The following PHACTR1 variants were observed in gnomAD, a reference collection of about 807,000 sequenced individuals.
PHACTR1 encodes the protein phosphatase and actin regulator 1.
In PHACTR1, 16 loss-of-function variants were observed where a neutral mutation model predicts 69.2. The observed-to-expected ratio is 0.23, with a 90% CI of 0.16 to 0.35. PHACTR1 has a LOEUF of 0.35. PHACTR1 is among the 10% of genes least tolerant of loss of function. PHACTR1 has a pLI of 1.00. For synonymous variants in PHACTR1, 312 were observed against 284.5 expected, an observed-to-expected ratio of 1.10 and a Z score of -0.97; for missense variants, 510 against 734.7, an observed-to-expected ratio of 0.69 and a Z score of 3.54.
At chr6:12,855,319 G>A (rs997924441) in intron 4 of PHACTR1, among the ~76,000 whole-genome samples, 3 of 152,160 alleles carry the variant, frequency 2.0e-5, no homozygotes, top group Non-Finnish European at 1.5e-5. Flanking sequence ...GGATGTGGTG[G>A]TGCATGTCTG....
At chr6:13,136,581 C>T (rs78045827) in intron 5 of PHACTR1, among the ~76,000 whole-genome samples, 4,518 of 152,328 alleles carry the variant, frequency 0.03, 211 homozygotes, top group African/African-American at 0.1. Context: ...AGCCAACTGG[C>T]GAAAGAAGCC....
intron 10 of PHACTR1, among the ~76,000 whole-genome samples, chr6:13,231,341 AGG>A (rs370730791): frequency 5.1e-4 from 1 of 1,962 alleles, no homozygotes; most frequent in Non-Finnish European, 1.1e-3. Flanking sequence ...GAAGGAAGGA[AGG>A]GGAAAGAAAG....
chr6:13,079,286 T>G (rs1811016678), intron 5 of PHACTR1, among the ~76,000 whole-genome samples: 4 of 152,112 alleles, frequency 2.6e-5, no homozygotes, highest in Admixed American at 2.0e-4. Flanking sequence ...CATGAGTGAA[T>G]CACAAGGAGC....
intron 5 of PHACTR1, among the ~76,000 whole-genome samples, chr6:13,102,893 G>T (rs980903766): frequency 6.6e-6 from 1 of 152,150 alleles, no homozygotes; most frequent in Non-Finnish European, 1.5e-5. Flanking sequence ...GACCCCCATT[G>T]CTTCCTTTAT....
chr6:12,967,210 A>G (rs1305287038), intron 4 of PHACTR1, among the ~76,000 whole-genome samples: 1 of 152,250 alleles, frequency 6.6e-6, no homozygotes, highest in African/African-American at 2.4e-5. Flanking sequence ...TGGACAATAC[A>G]TAAAACTCTT....
At chr6:12,990,305 G>A (rs1796673449) in intron 4 of PHACTR1, among the ~76,000 whole-genome samples, 1 of 152,020 alleles carries the variant, frequency 6.6e-6, no homozygotes, top group Non-Finnish European at 1.5e-5. Context: ...TTGATCAGAT[G>A]TCCCAAGGAG....
intron 4 of PHACTR1, among the ~76,000 whole-genome samples, chr6:12,936,256 A>G (rs1789434868): frequency 6.6e-6 from 1 of 152,148 alleles, no homozygotes; most frequent in South Asian, 2.1e-4. Context: ...AGAATCAAAC[A>G]TGGATCTGGA....
chr6:12,754,310 A>G (rs148435959), intron 4 of PHACTR1, among the ~76,000 whole-genome samples: 61 of 151,868 alleles, frequency 4.0e-4, no homozygotes, highest in Middle Eastern at 6.8e-3. Context: ...CTGATCTGAG[A>G]TTGCTTCACC....
chr6:13,247,149 T>C lies in PHACTR1; in HGVS notation c.1391+16956T>C, dbSNP rs1773677379. The stretch of plus-strand genomic sequence containing the variant: ...TCATTAAAACAACAGTTATTCAAAA[T>C]GGGCAGCCTCTTTAGTGTCTTTGAA... On this transcript the variant is annotated intron_variant, in intron 10 of 14. Coordinates refer to ENST00000332995, the MANE Select transcript of PHACTR1 (RefSeq NM_030948.6). 2.0e-5 allele frequency among the ~76,000 whole-genome samples: 3 copies of C among 152,182 alleles called. No individual in the cohort carries two copies. In the South Asian group the frequency reaches 6.2e-4, roughly 32 times the overall value.
At chr6:13,114,156 T>C (rs1165343513) in intron 5 of PHACTR1, among the ~76,000 whole-genome samples, 3 of 152,346 alleles carry the variant, frequency 2.0e-5, no homozygotes, top group African/African-American at 7.2e-5. Flanking sequence ...CTCGCTCTGA[T>C]GGCTTTACTT....
chr6:13,058,803 C>T (rs9473354), intron 5 of PHACTR1, among the ~76,000 whole-genome samples: 1 of 151,794 alleles, frequency 6.6e-6, no homozygotes, highest in Non-Finnish European at 1.5e-5. Flanking sequence ...AGAGGTGAGC[C>T]GTCTAGGAGA....
intron 4 of PHACTR1, among the ~76,000 whole-genome samples, chr6:12,777,221 T>TTATATA (rs777055650): frequency 1.4e-5 from 2 of 143,784 alleles, no homozygotes; most frequent in Admixed American, 7.0e-5. Flanking sequence ...GACTACGGTT[T>TTATATA]TATATATATA....
At chr6:12,913,239 G>T (rs747533218) in intron 4 of PHACTR1, among the ~76,000 whole-genome samples, 11 of 152,198 alleles carry the variant, frequency 7.2e-5, no homozygotes, top group Non-Finnish European at 1.5e-4. Context: ...GTCATCAGGT[G>T]ACTAGCCTGT....
At chr6:13,280,930 C>A (rs767558448) in intron 12 of PHACTR1, 1 of 1,286,068 alleles carries the variant, frequency 7.8e-7, no homozygotes, top group African/African-American at 1.5e-5. Context: ...TGAGCCCATG[C>A]ACACAGAGGA....
At chr6:13,160,698 TG>T (rs1758864173) in intron 6 of PHACTR1, among the ~76,000 whole-genome samples, 1 of 152,266 alleles carries the variant, frequency 6.6e-6, no homozygotes, top group South Asian at 2.1e-4. Flanking sequence ...AACTTGTTTT[TG>T]TTTGTTTGTT....
At chr6:13,185,501 G>A (rs556265536) in intron 7 of PHACTR1, among the ~76,000 whole-genome samples, 2 of 151,862 alleles carry the variant, frequency 1.3e-5, no homozygotes, top group South Asian at 4.2e-4. Context: ...CAAATTATGT[G>A]GTAAATACTT....
intron 4 of PHACTR1, among the ~76,000 whole-genome samples, chr6:12,969,125 T>C (rs1793858399): frequency 6.6e-6 from 1 of 152,174 alleles, no homozygotes; most frequent in African/African-American, 2.4e-5. Flanking sequence ...ACTCAGATAT[T>C]CTGGGTGGGA....
At chr6:12,968,249 A>C (rs1582751255) in intron 4 of PHACTR1, among the ~76,000 whole-genome samples, 1 of 152,228 alleles carries the variant, frequency 6.6e-6, no homozygotes, top group African/African-American at 2.4e-5. Flanking sequence ...TCATGTTGGC[A>C]TTGTAGCCGT....
At chr6:13,199,210 A>ACC in intron 7 of PHACTR1, among the ~76,000 whole-genome samples, 1 of 151,986 alleles carries the variant, frequency 6.6e-6, no homozygotes, top group Non-Finnish European at 1.5e-5. Context: ...GCATGGTGAA[A>ACC]CCCCATCTCT....
Sources: gnomAD v4.1 joint callset for allele counts (sites outside exome capture counted in the v4.1 genomes callset) on GRCh38, gnomAD v4.1.1 for gene constraint, MANE v1.5 for transcripts, NCBI Gene and HGNC (gene_info 2026-07-23, HGNC 2026-07-21) for gene names.